RGS8: variants seen among roughly 807,000 people sequenced by gnomAD.
The protein encoded by RGS8 is regulator of G-protein signaling 8.
A neutral mutation model predicts 21.7 loss-of-function variants in RGS8; 8 were observed. The observed-to-expected ratio is 0.37, with a 90% CI of 0.22 to 0.66. The LOEUF (loss-of-function observed/expected upper bound fraction) is 0.66, where lower values mean the gene tolerates loss of function less well. Ranked by LOEUF, RGS8 falls within the 30% of genes least tolerant of loss-of-function variation. The pLI, the probability that RGS8 is intolerant of heterozygous loss-of-function variation, is 0.59. For synonymous variants in RGS8, 80 were observed against 83.6 expected, an observed-to-expected ratio of 0.96 and a Z score of 0.24; for missense variants, 157 against 217.9, an observed-to-expected ratio of 0.72 and a Z score of 1.76.
the RGS8 span, among the ~76,000 whole-genome samples, chr1:182,701,780 C>T: frequency 6.6e-6 from 1 of 152,110 alleles, no homozygotes; most frequent in African/African-American, 2.4e-5. Flanking sequence ...TTGGATCTCC[C>T]CTTCTTCACT....
chr1:182,686,678 A>G (rs534207381), upstream of RGS8, among the ~76,000 whole-genome samples: 1 of 152,332 alleles, frequency 6.6e-6, no homozygotes, highest in African/African-American at 2.4e-5. Flanking sequence ...CTCTGTTGAT[A>G]GGCCAGGGCA....
chr1:182,664,054 A>C (rs1359286407), intron 5 of RGS8, among the ~76,000 whole-genome samples: 4 of 152,192 alleles, frequency 2.6e-5, no homozygotes, highest in Non-Finnish European at 5.9e-5. Flanking sequence ...CAGAAGTAGA[A>C]ACAAGTGTCT....
the RGS8 span, among the ~76,000 whole-genome samples, chr1:182,723,942 T>G: frequency 2.6e-5 from 4 of 151,838 alleles, no homozygotes; most frequent in Admixed American, 2.6e-4. Flanking sequence ...CGAGAATAGG[T>G]TCAGAGCAGC....
chr1:182,671,819 C>A, intron 1 of RGS8, 89 bp from the exon 3 acceptor site: 1 of 1,599,528 alleles, frequency 6.3e-7, no homozygotes, highest in Non-Finnish European at 8.5e-7. Flanking sequence ...CACACACACA[C>A]ATATACACAC....
At chr1:182,707,694 TTTTG>T in the RGS8 span, among the ~76,000 whole-genome samples, 3 of 152,148 alleles carry the variant, frequency 2.0e-5, no homozygotes, top group South Asian at 2.1e-4. Context: ...GGTGCTAAAT[TTTTG>T]TTTGTTTGTT....
the RGS8 span, among the ~76,000 whole-genome samples, chr1:182,714,774 A>G: frequency 1.3e-5 from 2 of 152,206 alleles, no homozygotes; most frequent in African/African-American, 4.8e-5. Flanking sequence ...ATATAACACC[A>G]AAATATAACT....
At chr1:182,668,641 G>A (rs1040827168) in intron 3 of RGS8, among the ~76,000 whole-genome samples, 1 of 152,170 alleles carries the variant, frequency 6.6e-6, no homozygotes, top group African/African-American at 2.4e-5. Flanking sequence ...CCTCTCTCCT[G>A]CAAAAAATTG....
intron 1 of RGS8, among the ~76,000 whole-genome samples, chr1:182,679,654 C>G (rs1664477600): frequency 6.6e-6 from 1 of 152,078 alleles, no homozygotes; most frequent in Admixed American, 6.5e-5. Flanking sequence ...ATGTAGACAC[C>G]AATAGCTCCC....
chr1:182,665,222 C>T (rs1415117295), intron 5 of RGS8, among the ~76,000 whole-genome samples: 3 of 152,200 alleles, frequency 2.0e-5, no homozygotes, highest in African/African-American at 7.2e-5. Flanking sequence ...CCTGCTCTGC[C>T]TTGCCCAGGT....
upstream of RGS8, among the ~76,000 whole-genome samples, chr1:182,676,670 G>T (rs77955298): frequency 0.012 from 1,777 of 152,288 alleles, 22 homozygotes; most frequent in South Asian, 0.063. Flanking sequence ...TCCTCATAAG[G>T]AACATCAGAG....
chr1:182,678,745 A>G (rs528063321), intron 1 of RGS8, among the ~76,000 whole-genome samples: 1 of 152,278 alleles, frequency 6.6e-6, no homozygotes, highest in African/African-American at 2.4e-5. Context: ...TCACAGCCTT[A>G]AACACTGAAC....
intron 5 of RGS8, among the ~76,000 whole-genome samples, chr1:182,649,056 C>T (rs547964764): frequency 9.9e-5 from 15 of 152,078 alleles, no homozygotes; most frequent in African/African-American, 2.9e-4. Flanking sequence ...GCCGAGATCA[C>T]GCCACTACAC....
intron 2 of RGS8, 51 bp downstream of exon 3, chr1:182,671,606 G>A (rs772910326): frequency 6.6e-7 from 1 of 1,504,074 alleles, no homozygotes. Flanking sequence ...AATGCAATCG[G>A]TGCACACAGA....
chr1:182,736,075 C>T, the RGS8 span, among the ~76,000 whole-genome samples: 1 of 152,134 alleles, frequency 6.6e-6, no homozygotes, highest in African/African-American at 2.4e-5. Flanking sequence ...TTCTTTTTTA[C>T]AACAATACAT....
the RGS8 span, among the ~76,000 whole-genome samples, chr1:182,718,649 T>C: frequency 1.3e-5 from 2 of 152,148 alleles, no homozygotes; most frequent in African/African-American, 4.8e-5. Flanking sequence ...TGAGCACACA[T>C]TAAGCAACAT....
chr1:182,683,791 G>A (rs1664618645), intron 1 of RGS8, among the ~76,000 whole-genome samples: 1 of 152,164 alleles, frequency 6.6e-6, no homozygotes, highest in African/African-American at 2.4e-5. Context: ...AACTCATTGT[G>A]ATTGTGAGTT....
At chr1:182,725,977 T>A in the RGS8 span, among the ~76,000 whole-genome samples, 1 of 152,226 alleles carries the variant, frequency 6.6e-6, no homozygotes. Context: ...TGATGAACAC[T>A]TAGGCACAAG....
At chr1:182,709,347 TTC>T in the RGS8 span, among the ~76,000 whole-genome samples, 1 of 152,104 alleles carries the variant, frequency 6.6e-6, no homozygotes, top group Admixed American at 6.5e-5. Flanking sequence ...CACACATGTA[TTC>T]TCTCTTGCTC....
At chr1:182,706,752 C>T in the RGS8 span, among the ~76,000 whole-genome samples, 2 of 151,292 alleles carry the variant, frequency 1.3e-5, no homozygotes, top group Non-Finnish European at 3.0e-5. Context: ...AGGCATGAGC[C>T]ACCATGCCTG....
Sources: allele counts gnomAD v4.1 joint callset (sites outside exome capture counted in the v4.1 genomes callset), GRCh38; gene constraint gnomAD v4.1.1; transcripts MANE v1.5; gene names NCBI Gene and HGNC (gene_info 2026-07-23, HGNC 2026-07-21).